ASAP2: variants seen among roughly 807,000 people sequenced by gnomAD.
ASAP2 encodes ArfGAP with SH3 domain, ankyrin repeat and PH domain 2, also known as arf-GAP with SH3 domain, ANK repeat and PH domain-containing protein 2.
In ASAP2, 45 loss-of-function variants were observed where a neutral mutation model predicts 131.4. The observed-to-expected ratio is 0.34, with a 90% CI of 0.27 to 0.44. The LOEUF (loss-of-function observed/expected upper bound fraction) is 0.44. Among genes scored for constraint, ASAP2 ranks in the 20% least tolerant of loss-of-function variants. ASAP2 has a pLI of 1.00. For synonymous variants in ASAP2, 510 were observed against 503.0 expected (o/e 1.01, Z -0.19); for missense variants, 1,011 against 1,297.0 (o/e 0.78, Z 3.39).
chr2:9,352,275 G>A (rs1461480033), intron 12 of ASAP2, among the ~76,000 whole-genome samples: 1 of 151,906 alleles, frequency 6.6e-6, no homozygotes, highest in African/African-American at 2.4e-5. Flanking sequence ...TGGGATACCT[G>A]TGTCTAGCTA....
At chr2:9,264,801 T>G (rs916549930) in intron 1 of ASAP2, among the ~76,000 whole-genome samples, 1 of 152,112 alleles carries the variant, frequency 6.6e-6, no homozygotes, top group Non-Finnish European at 1.5e-5. Context: ...GGGGAAAATA[T>G]TCAAGAAAAA....
intron 24 of ASAP2, among the ~76,000 whole-genome samples, chr2:9,395,931 G>A (rs1676111955): frequency 6.6e-6 from 1 of 151,998 alleles, no homozygotes; most frequent in African/African-American, 2.4e-5. Context: ...TTTAGGAGTA[G>A]AGAAATAAAG....
At chr2:9,215,615 C>T (rs766107020) in intron 1 of ASAP2, among the ~76,000 whole-genome samples, 1 of 149,890 alleles carries the variant, frequency 6.7e-6, no homozygotes, top group Admixed American at 6.6e-5. Context: ...TATGGACCCC[C>T]TGGATTCAGA....
At chr2:9,330,756 T>C (rs1670780423) in intron 7 of ASAP2, among the ~76,000 whole-genome samples, 1 of 152,216 alleles carries the variant, frequency 6.6e-6, no homozygotes, top group African/African-American at 2.4e-5. Context: ...AAGAAGCTAT[T>C]CTGGGATTTC....
At chr2:9,403,176 C>T (rs754609995) in intron 27 of ASAP2, 77 bp from the exon 28 acceptor site, 9 of 1,265,926 alleles carry the variant, frequency 7.1e-6, no homozygotes, top group Middle Eastern at 1.9e-4. Flanking sequence ...CTTCACCAAA[C>T]GCTCTATGTA....
At chr2:9,221,246 AG>A (rs1662391859) in intron 1 of ASAP2, among the ~76,000 whole-genome samples, 1 of 151,872 alleles carries the variant, frequency 6.6e-6, no homozygotes, top group Admixed American at 6.6e-5. Context: ...CAATTTGGGG[AG>A]TATAGACATC....
In ASAP2 at chr2:9,334,728, T is replaced by C; in HGVS notation, c.687-10T>C. ...GAAATGTCATCTCTGTTTCTTCTTT[T>C]TCCTGCTAGTTTTTTTCAGGATGGA... is the stretch of plus-strand genomic sequence containing the variant. On this transcript the variant is annotated splice_polypyrimidine_tract_variant and intron_variant, in intron 7 of 27. Transcript: ENST00000281419. 1.2e-6 allele frequency: 2 copies of C among 1,611,374 alleles called. No individual in the cohort carries two copies. The highest frequency in any genetic ancestry group is 1.7e-6 in the Non-Finnish European group (2 of 1,178,484).
intron 1 of ASAP2, among the ~76,000 whole-genome samples, chr2:9,274,823 G>C (rs1666643377): frequency 6.6e-6 from 1 of 152,106 alleles, no homozygotes; most frequent in Non-Finnish European, 1.5e-5. Context: ...TTGTAGAAAA[G>C]CAAGTTTATG....
intron 19 of ASAP2, among the ~76,000 whole-genome samples, 155 bp downstream of exon 19, chr2:9,379,214 T>C (rs955568556): frequency 6.6e-6 from 1 of 152,138 alleles, no homozygotes; most frequent in African/African-American, 2.4e-5. Flanking sequence ...AGAAAGAGCC[T>C]CTCCCTGCCT....
intron 3 of ASAP2, among the ~76,000 whole-genome samples, chr2:9,307,777 G>T (rs879275504): frequency 2.6e-5 from 4 of 152,214 alleles, no homozygotes; most frequent in African/African-American, 4.8e-5. Flanking sequence ...TTTGGCAGCT[G>T]GCTGGTTTTG....
chr2:9,210,156 G>A (rs1661433877), intron 1 of ASAP2, among the ~76,000 whole-genome samples: 2 of 152,166 alleles, frequency 1.3e-5, no homozygotes, highest in South Asian at 4.1e-4. Context: ...CTTGGCTCCT[G>A]CTGTTTTCAG....
At chr2:9,325,427 AG>A (rs1270366881) in intron 6 of ASAP2, among the ~76,000 whole-genome samples, 1 of 152,232 alleles carries the variant, frequency 6.6e-6, no homozygotes, top group Non-Finnish European at 1.5e-5. Context: ...ACAAACAATC[AG>A]GGTGAAATTA....
chr2:9,213,673 A>T (rs1382076575), intron 1 of ASAP2, among the ~76,000 whole-genome samples: 1 of 152,016 alleles, frequency 6.6e-6, no homozygotes, highest in East Asian at 1.9e-4. Flanking sequence ...AGGGGTCCAA[A>T]CCTACTGATG....
chr2:9,290,647 T>A (rs1667754048), intron 2 of ASAP2, among the ~76,000 whole-genome samples: 1 of 152,234 alleles, frequency 6.6e-6, no homozygotes, highest in Non-Finnish European at 1.5e-5. Context: ...TTTAGAAAAT[T>A]TGGAAAGTTC....
chr2:9,354,435 C>T (rs1220814331), intron 12 of ASAP2, among the ~76,000 whole-genome samples: 1 of 152,090 alleles, frequency 6.6e-6, no homozygotes, highest in African/African-American at 2.4e-5. Flanking sequence ...TGAAGTTTTT[C>T]CTCAGAGGTT....
At chr2:9,248,625 C>T (rs896400933) in intron 1 of ASAP2, among the ~76,000 whole-genome samples, 7 of 152,088 alleles carry the variant, frequency 4.6e-5, no homozygotes, top group South Asian at 2.1e-4. Context: ...AAGACGCTGA[C>T]GGTGAGGTCT....
intron 16 of ASAP2, among the ~76,000 whole-genome samples, chr2:9,371,003 C>T (rs1315124045): frequency 1.3e-5 from 2 of 152,148 alleles, no homozygotes; most frequent in African/African-American, 4.8e-5. Flanking sequence ...AAGTGTGTGT[C>T]GTTTCTTCCA....
intron 5 of ASAP2, among the ~76,000 whole-genome samples, 166 bp from the exon 6 acceptor site, chr2:9,322,955 T>C (rs1246144811): frequency 6.6e-6 from 1 of 152,194 alleles, no homozygotes; most frequent in African/African-American, 2.4e-5. Flanking sequence ...GTTTGACATC[T>C]TCGTGAGGAC....
rs1677166071 is a variant in ASAP2, at chr2:9,405,637, C to A, written c.*2310C>A. ...TTAATAAGTTTACTCTTCTTGTTAA[C>A]TAGTCATTTGACTGGAAAAAAATAA... On this transcript the variant is annotated 3_prime_UTR_variant, in exon 28 of 28. Transcript: ENST00000281419. 6.6e-6 allele frequency: 1 copy of A among 152,562 alleles called. No homozygotes were observed. Among genetic ancestry groups the A allele is most frequent in the South Asian group, 2.1e-4 (1 of 4,828 alleles). The allele number at this position is 152,562 out of a possible 1,614,324, so 9.5% of individuals were successfully genotyped here.
Sources: allele counts gnomAD v4.1 joint callset (sites outside exome capture counted in the v4.1 genomes callset), GRCh38; gene constraint gnomAD v4.1.1; transcripts MANE v1.5; gene names NCBI Gene and HGNC (gene_info 2026-07-23, HGNC 2026-07-21).